LRRC61: variants seen among roughly 807,000 people sequenced by gnomAD.
LRRC61 encodes leucine-rich repeat-containing protein 61.
In LRRC61, 9 loss-of-function variants were observed where a neutral mutation model predicts 15.1. That is an observed-to-expected ratio of 0.60 (90% CI 0.36 to 1.04). LRRC61 has a LOEUF of 1.04. LRRC61 is among the 50% of genes least tolerant of loss of function. LRRC61 has a pLI of 0.01. For missense variants in LRRC61, 344 were observed against 335.6 expected (o/e 1.03, Z -0.20); for synonymous variants, 173 against 158.6 (o/e 1.09, Z -0.68).
rs1225835006 is a variant in LRRC61, at chr7:150,333,640, A to G, written c.-144-3078A>G. 6.6e-6 allele frequency among the ~76,000 whole-genome samples: 1 copy of G among 152,190 alleles called. No homozygotes were observed. The highest frequency in any genetic ancestry group is 1.5e-5 in the Non-Finnish European group (1 of 68,038). On this transcript the variant is annotated intron_variant, in intron 2 of 2. Coordinates refer to ENST00000359623, the MANE Select transcript of LRRC61 (RefSeq NM_001142928.2). This position sits in a 1 kb window ranked among gnomAD's most constrained non-coding sequence, Gnocchi z 4.3. ...CAGTCAGCCTCCCTCAAAGGGCCCA[A>G]GTGCCATCCTTGTCACCAGTCCTCT... is the stretch of plus-strand genomic sequence containing the variant.
At position 150,337,736 on chromosome 7, in the gene LRRC61, T is replaced by C; in HGVS notation, c.*95T>C. On this transcript the variant is annotated 3_prime_UTR_variant, in exon 3 of 3. Coordinates refer to ENST00000359623, the MANE Select transcript of LRRC61 (RefSeq NM_001142928.2). Reference sequence around the variant, plus strand: ...ACTCGTCTTAGTTGCTTCACACTGGTCACTGGCCCTGCACACTGGGCTATT... The same window carrying C: ...ACTCGTCTTAGTTGCTTCACACTGGCCACTGGCCCTGCACACTGGGCTATT... 7.7e-7 allele frequency: 1 copy of C among 1,297,432 alleles called. No individual in the cohort carries two copies. Among genetic ancestry groups the C allele is most frequent in the Non-Finnish European group, 1.0e-6 (1 of 955,764 alleles). 80.4% of individuals were successfully genotyped at this position (1,297,432 alleles called of 1,614,324 possible). A position where few individuals can be genotyped will look rare whatever the true frequency, so the allele number is the denominator to read the frequency against.
chr7:150,331,183 A>C, intron 2 of LRRC61: 1 of 1,464,202 alleles, frequency 6.8e-7, no homozygotes, highest in South Asian at 1.4e-5. Flanking sequence ...GGTGGAAGCC[A>C]TTGAGCATCT....
At chr7:150,320,099 T>C (rs1051238239), upstream of LRRC61, among the ~76,000 whole-genome samples, 4 of 152,272 alleles carry the variant, frequency 2.6e-5, no homozygotes, top group East Asian at 1.9e-4. Flanking sequence ...GAGCCCATAG[T>C]GTGGATCCCA....
chr7:150,329,391 C>T (rs1024303026), intron 2 of LRRC61, among the ~76,000 whole-genome samples: 9 of 152,320 alleles, frequency 5.9e-5, no homozygotes, highest in African/African-American at 1.7e-4. Context: ...GACGGGGGAC[C>T]GAGGTACGGT....
chr7:150,330,836 G>C lies in LRRC61; in HGVS notation c.-145+4826G>C. Reference sequence around the variant, plus strand: ...TAGCCAAGAGCTCCGGGGTGGAGGGGAGAAGCCAGGGGGAGCCTCTGCAGA... The same window carrying C: ...TAGCCAAGAGCTCCGGGGTGGAGGGCAGAAGCCAGGGGGAGCCTCTGCAGA... On this transcript the variant is annotated intron_variant, in intron 2 of 2. Transcript: ENST00000359623. The surrounding 1 kb of genome is among the most constrained non-coding windows in gnomAD (Gnocchi z 4.6). 4 of 1,609,176 alleles carry C rather than the reference G, an allele frequency of 2.5e-6. No homozygotes were observed. Among genetic ancestry groups the C allele is most frequent in the Non-Finnish European group, 3.4e-6 (4 of 1,177,062 alleles).
In LRRC61 at chr7:150,330,701, G is replaced by A. The variant is rs755670047; in HGVS notation, c.-145+4691G>A. 8 of 1,533,886 alleles carry A rather than the reference G, an allele frequency of 5.2e-6. No individual in the cohort carries two copies. Among genetic ancestry groups the A allele is most frequent in the Non-Finnish European group, 7.2e-6 (8 of 1,106,862 alleles). On this transcript the variant is annotated intron_variant, in intron 2 of 2. Transcript: ENST00000359623. The surrounding 1 kb of genome is among the most constrained non-coding windows in gnomAD (Gnocchi z 4.6). ...GGGGGCCGACCGACATTGACCACTG[G>A]AAGCAAGTCCTCGTGTACAAGGTGA...
At chr7:150,309,987 G>A in the LRRC61 span, among the ~76,000 whole-genome samples, 1 of 152,102 alleles carries the variant, frequency 6.6e-6, no homozygotes, top group African/African-American at 2.4e-5. Context: ...TGCCCCCATA[G>A]CTGTTGTGGG....
Position 150,337,844 on chromosome 7 carries a change from G to A in LRRC61, c.*203G>A, listed in dbSNP as rs1006563182. On this transcript the variant is annotated 3_prime_UTR_variant, in exon 3 of 3. Coordinates refer to ENST00000359623, the MANE Select transcript of LRRC61 (RefSeq NM_001142928.2). ...ACAGACTGAAGGGCTGTGAGCAGGT[G>A]TAAGGGCTCCCACATCCGTGAGCCT... The A allele has an allele frequency of 6.4e-6, 4 of 624,648 alleles. No individual in the cohort carries two copies. The highest frequency in any genetic ancestry group is 3.4e-5 in the Admixed American group (1 of 29,272). 38.7% of individuals were successfully genotyped at this position (624,648 alleles called of 1,614,324 possible).
Position 150,337,358 on chromosome 7 carries a change from T to C in LRRC61, c.497T>C (p.Ile166Thr). Residue 166 changes from isoleucine (I) to threonine (T), a missense_variant, in exon 3 of 3, where the codon ATT becomes ACT. By Grantham distance (89) the Ile-to-Thr change is moderately conservative. Coordinates refer to ENST00000359623, the MANE Select transcript of LRRC61 (RefSeq NM_001142928.2). The part of the protein sequence containing the change: ...GLKVIDGERV[I>T]GRGSEFYQLC... ...AAAGTCATCGACGGTGAGCGTGTGA[T>C]TGGGCGTGGTAGTGAGTTCTACCAG... is the stretch of plus-strand genomic sequence containing the variant. 1 of 1,604,986 alleles carries C rather than the reference T, an allele frequency of 6.2e-7. No homozygotes were observed. Among genetic ancestry groups the C allele is most frequent in the Non-Finnish European group, 8.5e-7 (1 of 1,179,918 alleles).
Position 150,334,776 on chromosome 7 carries a change from G to A in LRRC61, c.-144-1942G>A, listed in dbSNP as rs554897166. ...CTCACGCCTGTAATCCCAACACTTT[G>A]GGAGGCCGAGGCAGGGGGCATCACC... is the stretch of plus-strand genomic sequence containing the variant. On this transcript the variant is annotated intron_variant, in intron 2 of 2. Coordinates refer to ENST00000359623, the MANE Select transcript of LRRC61 (RefSeq NM_001142928.2). Among the ~76,000 whole-genome samples, 25 of 152,334 alleles carry A rather than the reference G, an allele frequency of 1.6e-4. No homozygotes were observed. In the South Asian group the frequency reaches 4.8e-3, roughly 29 times the overall value.
chr7:150,313,061 G>A, the LRRC61 span, among the ~76,000 whole-genome samples: 2 of 152,102 alleles, frequency 1.3e-5, no homozygotes, highest in African/African-American at 4.8e-5. Flanking sequence ...TGAATCTTAT[G>A]ATCTCCCCAC....
At chr7:150,309,632 C>T in the LRRC61 span, among the ~76,000 whole-genome samples, 6 of 152,186 alleles carry the variant, frequency 3.9e-5, no homozygotes, top group African/African-American at 7.2e-5. Flanking sequence ...ATTCAAGTGC[C>T]GCAAAACTGG....
chr7:150,323,710 CCCAT>C (rs765224381), intron 1 of LRRC61, 150 bp downstream of exon 1: 25 of 455,606 alleles, frequency 5.5e-5, no homozygotes, highest in Non-Finnish European at 4.0e-5. Context: ...CCAGCCCTTA[CCCAT>C]CTCTCCCTCT....
Position 150,330,308 on chromosome 7 carries a change from C to T in LRRC61, c.-145+4298C>T. On this transcript the variant is annotated intron_variant, in intron 2 of 2. Coordinates refer to ENST00000359623, the MANE Select transcript of LRRC61 (RefSeq NM_001142928.2). The surrounding 1 kb of genome is among the most constrained non-coding windows in gnomAD (Gnocchi z 4.6). ...AGCAGCAGCAGCCCCTTCAAGAGTA[C>T]AAGGGCAGGCACCAGCTGGGGAAGG... 1 of 710,838 alleles carries T rather than the reference C, an allele frequency of 1.4e-6. No individual in the cohort carries two copies. The highest frequency in any genetic ancestry group is 1.6e-5 in the South Asian group (1 of 64,360). The allele number at this position is 710,838 out of a possible 1,614,324, so 44.0% of individuals were successfully genotyped here.
chr7:150,335,483 C>T lies in LRRC61; in HGVS notation c.-144-1235C>T, dbSNP rs1246893926. Among the ~76,000 whole-genome samples the T allele has an allele frequency of 6.6e-6, 1 of 152,198 alleles. No individual in the cohort carries two copies. Among genetic ancestry groups the T allele is most frequent in the Non-Finnish European group, 1.5e-5 (1 of 68,042 alleles). ...TGGGGTGTAGAGGACATAAGGATGGCAAGACCGTTTACATCCTCGCCAGCT... is the reference window on the plus strand; with the variant it reads ...TGGGGTGTAGAGGACATAAGGATGGTAAGACCGTTTACATCCTCGCCAGCT... On this transcript the variant is annotated intron_variant, in intron 2 of 2. Transcript: ENST00000359623. This position sits in a 1 kb window ranked among gnomAD's most constrained non-coding sequence, Gnocchi z 4.3.
chr7:150,322,949 G>A (rs1316905708), upstream of LRRC61: 1 of 152,420 alleles, frequency 6.6e-6, no homozygotes, highest in African/African-American at 2.4e-5. Context: ...ACGAGGTCCG[G>A]GTCGCACTCG....
At chr7:150,310,839 TTCCCAGCAGAACACTA>T in the LRRC61 span, among the ~76,000 whole-genome samples, 1 of 152,280 alleles carries the variant, frequency 6.6e-6, no homozygotes, top group Admixed American at 6.5e-5. Flanking sequence ...CTTACCAATC[TTCCCAGCAGAACACTA>T]TCCTACTTCT....
chr7:150,330,832 AG>A lies in LRRC61; in HGVS notation c.-145+4826del. 6.2e-7 allele frequency: 1 copy of A among 1,608,956 alleles called. No homozygotes were observed. The highest frequency in any genetic ancestry group is 1.3e-5 in the African/African-American group (1 of 74,894). On this transcript the variant is annotated intron_variant, in intron 2 of 2. Transcript: ENST00000359623. This position sits in a 1 kb window ranked among gnomAD's most constrained non-coding sequence, Gnocchi z 4.6. The stretch of plus-strand genomic sequence containing the variant: ...AGGGTAGCCAAGAGCTCCGGGGTGG[AG>A]GGGAGAAGCCAGGGGGAGCCTCTGC...
At chr7:150,312,630 CACCTTAG>C in the LRRC61 span, among the ~76,000 whole-genome samples, 1 of 152,164 alleles carries the variant, frequency 6.6e-6, no homozygotes, top group East Asian at 1.9e-4. Context: ...CATAGAAATG[CACCTTAG>C]ACCCGAAACT....
Sources: allele counts gnomAD v4.1 joint callset (sites outside exome capture counted in the v4.1 genomes callset), GRCh38; gene constraint gnomAD v4.1.1; non-coding constraint Gnocchi (gnomAD v3.1); transcripts MANE v1.5; gene names NCBI Gene and HGNC (gene_info 2026-07-23, HGNC 2026-07-21).